The following PDCD11 variants were observed in gnomAD, a reference collection of about 807,000 sequenced individuals.
PDCD11 encodes programmed cell death 11.
Under a neutral mutation model 198.9 loss-of-function variants are expected in PDCD11, and 97 were observed. That is an observed-to-expected ratio of 0.49 (90% CI 0.41 to 0.58). The LOEUF is 0.58. Ranked by LOEUF, PDCD11 falls within the 20% of genes least tolerant of loss-of-function variation. The pLI, the probability that PDCD11 is intolerant of heterozygous loss-of-function variation, is 0.00. For synonymous variants in PDCD11, 893 were observed against 918.0 expected (o/e 0.97, Z 0.49); for missense variants, 2,102 against 2,312.7 (o/e 0.91, Z 1.87).
intron 8 of PDCD11, among the ~76,000 whole-genome samples, chr10:103,411,574 T>C (rs1463375072): frequency 6.6e-6 from 1 of 152,062 alleles, no homozygotes; most frequent in Non-Finnish European, 1.5e-5. Context: ...GCTGTGTTGC[T>C]CAGGCTGGTC....
intron 21 of PDCD11, among the ~76,000 whole-genome samples, chr10:103,428,778 G>T (rs1039772848): frequency 6.6e-6 from 1 of 152,198 alleles, no homozygotes; most frequent in African/African-American, 2.4e-5. Context: ...GTATGAGCCA[G>T]AGTGGGGGTA....
At chr10:103,444,109 A>G (rs1450154105) in intron 34 of PDCD11, 41 bp downstream of exon 34, 2 of 1,560,864 alleles carry the variant, frequency 1.3e-6, no homozygotes, top group Admixed American at 3.5e-5. Context: ...TGAGCACTCC[A>G]GGATCGGGGA....
At position 103,418,338 on chromosome 10, in the gene PDCD11, C is replaced by T. The variant is rs2031231976; in HGVS notation, c.1912-102C>T. On this transcript the variant is annotated intron_variant, in intron 14 of 35. Transcript: ENST00000369797. ...TGGAAGAAAGCTGCCTCTTAGAGAT[C>T]CTTGGTGCCGGAGTTTAATGCCTCC... 4.3e-6 allele frequency: 4 copies of T among 921,592 alleles called. No individual in the cohort carries two copies. The African/African-American group carries it at 6.6e-5, about 15-fold the overall frequency. The allele number at this position is 921,592 out of a possible 1,614,324, so 57.1% of individuals were successfully genotyped here.
intron 3 of PDCD11, among the ~76,000 whole-genome samples, chr10:103,402,083 T>A (rs1399722681): frequency 1.3e-5 from 2 of 152,220 alleles, no homozygotes; most frequent in East Asian, 3.8e-4. Context: ...GATTTCTGGC[T>A]TCTTGTAAAA....
intron 30 of PDCD11, among the ~76,000 whole-genome samples, chr10:103,441,420 G>C (rs751397583): frequency 2.6e-5 from 4 of 152,106 alleles, no homozygotes; most frequent in Non-Finnish European, 5.9e-5. Context: ...ACCATGCCTG[G>C]CTAATTTTTG....
chr10:103,411,175 C>T (rs1355346006), intron 8 of PDCD11, among the ~76,000 whole-genome samples: 1 of 152,048 alleles, frequency 6.6e-6, no homozygotes, highest in Admixed American at 6.5e-5. Flanking sequence ...CCTTGGCCTC[C>T]CAAAGTGCAG....
intron 3 of PDCD11, among the ~76,000 whole-genome samples, chr10:103,402,818 T>G (rs1187957802): frequency 6.6e-6 from 1 of 152,230 alleles, no homozygotes; most frequent in East Asian, 1.9e-4. Context: ...CACAGCTCAC[T>G]GCAGACTCAA....
chr10:103,440,937 T>C, intron 30 of PDCD11, 87 bp downstream of exon 30: 1 of 940,558 alleles, frequency 1.1e-6, no homozygotes, highest in Non-Finnish European at 1.6e-6. Flanking sequence ...TTTACTTCAT[T>C]TCCTATAAAA....
Position 103,418,610 on chromosome 10 carries a change from T to A in PDCD11, c.2082T>A (p.Cys694Ter). ...QAGDILHRVL[C>*]LSQSEGRVLL... ...GTGACATCCTTCACCGAGTCCTGTG[T>A]CTGAGCCAGAGCGAGGGGCGTGTTG... The change falls in exon 15 of 36, where the codon TGT becomes TGA. Residue 694 changes from cysteine to a stop codon, truncating the protein, a stop_gained. Coordinates refer to ENST00000369797, the MANE Select transcript of PDCD11 (RefSeq NM_014976.2). LOFTEE classifies it high-confidence loss of function. 1 of 1,614,162 alleles carries A rather than the reference T, an allele frequency of 6.2e-7. No individual in the cohort carries two copies.
At chr10:103,444,099 T>G in intron 34 of PDCD11, 31 bp downstream of exon 34, 1 of 1,596,788 alleles carries the variant, frequency 6.3e-7, no homozygotes, top group Non-Finnish European at 8.5e-7. Context: ...CCTGAGCCCA[T>G]GAGCACTCCA....
chr10:103,421,627 C>T (rs962986094), intron 17 of PDCD11, 60 bp downstream of exon 17: 3 of 1,347,900 alleles, frequency 2.2e-6, no homozygotes, highest in Non-Finnish European at 3.1e-6. Flanking sequence ...TTGTAAATTA[C>T]ACCTGTTGTT....
intron 28 of PDCD11, 51 bp from the exon 29 acceptor site, chr10:103,440,239 T>A: frequency 1.9e-6 from 3 of 1,558,898 alleles, no homozygotes; most frequent in Non-Finnish European, 2.6e-6. Flanking sequence ...CCGCCTGTGG[T>A]GCCCTCTGCT....
intron 31 of PDCD11, 57 bp downstream of exon 31, chr10:103,442,032 T>C (rs1564779423): frequency 6.2e-7 from 1 of 1,602,942 alleles, no homozygotes; most frequent in South Asian, 1.1e-5. Context: ...GTCAGTCTCT[T>C]GTGCTCTGTT....
In PDCD11 at chr10:103,445,455, A is replaced by G. The variant is rs745345354; in HGVS notation, c.5522A>G (p.Tyr1841Cys). The change falls in exon 36 of 36, where the codon TAC becomes TGC. Residue 1841 changes from tyrosine (Y) to cysteine (C), a missense_variant. Tyr to Cys is a radical substitution (Grantham distance 194). Transcript: ENST00000369797. ...TTCTTCTTCAAGCGCTACCTGGACTACGAGAAGCAGCATGGCACTGAGAAG... is the reference window on the plus strand; with the variant it reads ...TTCTTCTTCAAGCGCTACCTGGACTGCGAGAAGCAGCATGGCACTGAGAAG... Reference protein sequence around the residue: ...MKFFFKRYLDYEKQHGTEKDV... With the variant: ...MKFFFKRYLDCEKQHGTEKDV... 66 of 1,614,094 alleles carry G rather than the reference A, an allele frequency of 4.1e-5. No homozygotes were observed. The highest frequency in any genetic ancestry group is 5.3e-5 in the Non-Finnish European group (63 of 1,180,046).
At chr10:103,396,951 C>T (rs563853766) in intron 1 of PDCD11, among the ~76,000 whole-genome samples, 2 of 152,266 alleles carry the variant, frequency 1.3e-5, no homozygotes, top group Admixed American at 1.3e-4. Flanking sequence ...TTTTCAGAGC[C>T]TCAGTTTCCC....
In PDCD11 at chr10:103,434,042, G is replaced by A; in HGVS notation, c.3564+5G>A. 1 of 1,609,590 alleles carries A rather than the reference G, an allele frequency of 6.2e-7. No individual in the cohort carries two copies. The highest frequency in any genetic ancestry group is 1.1e-5 in the South Asian group (1 of 90,994). ...CTCACTTCTCTGAGCTTCAAGGTCA[G>A]TGTGCTTGAGATCCCTGGAGAGGGG... On this transcript the variant is annotated splice_donor_5th_base_variant and intron_variant, in intron 23 of 35. Transcript: ENST00000369797.
chr10:103,441,941 A>G lies in PDCD11; in HGVS notation c.4673A>G (p.Asp1558Gly), dbSNP rs2032402025. The change falls in exon 31 of 36, where the codon GAC becomes GGC. Residue 1558 changes from aspartate to glycine, a missense_variant. Asp to Gly is a moderately conservative substitution (Grantham distance 94, BLOSUM62 -1). Transcript: ENST00000369797. ...PALPPLAESS[D>G]SEEDEKPHQA... ...TTGCCACCTCTAGCAGAGAGCTCAGACAGCGAGGAGGATGAGAAGCCACAC... is the reference window on the plus strand; with the variant it reads ...TTGCCACCTCTAGCAGAGAGCTCAGGCAGCGAGGAGGATGAGAAGCCACAC... The G allele has an allele frequency of 6.2e-7, 1 of 1,614,128 alleles. No homozygotes were observed. Among genetic ancestry groups the G allele is most frequent in the African/African-American group, 1.3e-5 (1 of 74,950 alleles).
At chr10:103,415,276 T>A in intron 12 of PDCD11, 125 bp downstream of exon 12, 8 of 933,880 alleles carry the variant, frequency 8.6e-6, no homozygotes. Flanking sequence ...GTGCTGTACC[T>A]GGCATTGGGA....
intron 33 of PDCD11, 29 bp downstream of exon 33, chr10:103,443,362 T>TGG: frequency 6.4e-7 from 1 of 1,571,344 alleles, no homozygotes; most frequent in Non-Finnish European, 8.7e-7. Context: ...GACGAACTCC[T>TGG]GGGAGTTCCA....
Sources: allele counts gnomAD v4.1 joint callset (sites outside exome capture counted in the v4.1 genomes callset), GRCh38; gene constraint gnomAD v4.1.1; transcripts MANE v1.5; gene names NCBI Gene and HGNC (gene_info 2026-07-23, HGNC 2026-07-21).